The following FGF14 variants were observed in gnomAD, a reference collection of about 807,000 sequenced individuals.
FGF14 encodes fibroblast growth factor 14, also known as fibroblast growth factor homologous factor 4.
FGF14 carries 5 observed loss-of-function variants against 25.5 expected under a neutral mutation model. That is an observed-to-expected ratio of 0.20 (90% CI 0.10 to 0.41). FGF14 has a LOEUF of 0.41. Among genes scored for constraint, FGF14 ranks in the 10% least tolerant of loss-of-function variants. The probability of loss-of-function intolerance (pLI) is 1.00; values close to 1 mark genes in which losing one functional copy is unlikely to be tolerated. For missense variants in FGF14, 222 were observed against 320.1 expected (o/e 0.69, Z 2.34); for synonymous variants, 138 against 118.3 (o/e 1.17, Z -1.08).
chr13:102,164,428 T>C (rs995982698), intron 1 of FGF14, among the ~76,000 whole-genome samples: 2 of 152,150 alleles, frequency 1.3e-5, no homozygotes, highest in Non-Finnish European at 2.9e-5. Context: ...CAGGAAGAGA[T>C]GACATTAAAC....
chr13:102,212,245 G>A (rs982473584), intron 1 of FGF14, among the ~76,000 whole-genome samples: 6 of 152,122 alleles, frequency 3.9e-5, no homozygotes, highest in African/African-American at 1.2e-4. Context: ...AATATGACAT[G>A]TTTTTTTAAA....
chr13:101,873,240 T>C (rs2045211399), intron 2 of FGF14, among the ~76,000 whole-genome samples: 1 of 152,154 alleles, frequency 6.6e-6, no homozygotes, highest in South Asian at 2.1e-4. Flanking sequence ...CAAAATAATA[T>C]TGATTCCTAT....
chr13:102,109,613 T>TTTTG (rs971387509), intron 1 of FGF14, among the ~76,000 whole-genome samples: 6 of 152,148 alleles, frequency 3.9e-5, no homozygotes, highest in Admixed American at 1.3e-4. Context: ...TTGATAAGTT[T>TTTTG]TTTGTTTGTT....
At chr13:101,998,990 G>A (rs567205858) in intron 1 of FGF14, among the ~76,000 whole-genome samples, 2 of 152,116 alleles carry the variant, frequency 1.3e-5, no homozygotes, top group South Asian at 4.1e-4. Context: ...TATTCTAAGA[G>A]GTTCACCTAT....
intron 1 of FGF14, among the ~76,000 whole-genome samples, chr13:102,031,118 A>G (rs2139934549): frequency 6.6e-6 from 1 of 152,202 alleles, no homozygotes; most frequent in African/African-American, 2.4e-5. Context: ...TTTATGAAGT[A>G]TTTTGTGCTT....
rs565608037 is a variant in FGF14 at position 102,145,096 on chromosome 13, T to C, written c.208+256375A>G. ...TGGGTTGCCAACAGTTATTATTTTC[T>C]TTCTTCAATTTTAACAGAACCTCGA... On this transcript the variant is annotated intron_variant, in intron 1 of 4. Coordinates refer to the FGF14 transcript ENST00000376131. 2.6e-4 allele frequency among the ~76,000 whole-genome samples: 40 copies of C among 152,324 alleles called. 1 individual carries two copies. Among genetic ancestry groups the C allele is most frequent in the Admixed American group, 2.4e-3 (36 of 15,294 alleles).
intron 1 of FGF14, among the ~76,000 whole-genome samples, chr13:101,996,932 C>T (rs1283537129): frequency 6.6e-6 from 1 of 152,204 alleles, no homozygotes; most frequent in Non-Finnish European, 1.5e-5. Context: ...CTCTCTGATG[C>T]CTGGCATATT....
At chr13:101,876,075 C>T (rs527950170) in intron 1 of FGF14, among the ~76,000 whole-genome samples, 14 of 152,232 alleles carry the variant, frequency 9.2e-5, no homozygotes, top group Admixed American at 7.2e-4. Context: ...TCTTTGTCAA[C>T]GGGCATTGAG....
chr13:102,026,960 G>A lies in FGF14; in HGVS notation c.209-151664C>T, dbSNP rs74972417. On this transcript the variant is annotated intron_variant, in intron 1 of 4. Coordinates refer to the FGF14 transcript ENST00000376131. ...GATTCTGTTAATAGGTTGACAATTT[G>A]AGCTGTCTTTCTACCCATTGTAGTA... is the stretch of plus-strand genomic sequence containing the variant. Among the ~76,000 whole-genome samples the A allele has an allele frequency of 3.7e-3, 564 of 152,116 alleles. 3 individuals are homozygous for A. The highest frequency in any genetic ancestry group is 6.2e-3 in the Non-Finnish European group (418 of 67,936).
At chr13:101,874,501 G>C (rs748348564) in intron 2 of FGF14, among the ~76,000 whole-genome samples, 33 of 152,074 alleles carry the variant, frequency 2.2e-4, no homozygotes, top group Admixed American at 5.3e-4. Context: ...ACAGAAAATG[G>C]GAGAGCAAAA....
intron 1 of FGF14, among the ~76,000 whole-genome samples, chr13:102,063,516 T>G (rs1312976297): frequency 6.6e-6 from 1 of 151,834 alleles, no homozygotes; most frequent in African/African-American, 2.4e-5. Flanking sequence ...CTTGGGAGGC[T>G]GAGGCATGAG....
intron 1 of FGF14, among the ~76,000 whole-genome samples, chr13:102,040,968 C>G (rs2041704468): frequency 6.6e-6 from 1 of 151,976 alleles, no homozygotes; most frequent in Non-Finnish European, 1.5e-5. Flanking sequence ...ATTGGTGCAC[C>G]TGTTGAGGCA....
intron 3 of FGF14, among the ~76,000 whole-genome samples, chr13:101,834,695 A>T (rs1230112945): frequency 6.6e-6 from 1 of 152,114 alleles, no homozygotes; most frequent in Non-Finnish European, 1.5e-5. Flanking sequence ...ATCCAGAAAA[A>T]AAGGTTGGGA....
chr13:102,099,252 C>T (rs970017701), intron 1 of FGF14, among the ~76,000 whole-genome samples: 1 of 152,156 alleles, frequency 6.6e-6, no homozygotes, highest in Non-Finnish European at 1.5e-5. Flanking sequence ...GCAAGCAATG[C>T]ATATTTTACA....
At chr13:102,089,453 C>A (rs1453559743) in intron 1 of FGF14, among the ~76,000 whole-genome samples, 3 of 152,130 alleles carry the variant, frequency 2.0e-5, no homozygotes, top group Admixed American at 2.0e-4. Context: ...ATAAGAAGCA[C>A]TAATATACCT....
At chr13:102,325,112 A>G (rs1354023953) in intron 1 of FGF14, among the ~76,000 whole-genome samples, 2 of 152,150 alleles carry the variant, frequency 1.3e-5, no homozygotes, top group African/African-American at 4.8e-5. Context: ...GAAATGGAAG[A>G]AACCTGAAAA....
chr13:102,239,567 G>C (rs2051489954), intron 1 of FGF14, among the ~76,000 whole-genome samples: 1 of 152,026 alleles, frequency 6.6e-6, no homozygotes, highest in African/African-American at 2.4e-5. Context: ...GCTAAATGGG[G>C]AACATGCATT....
chr13:102,161,606 A>G (rs1426634901), intron 1 of FGF14, among the ~76,000 whole-genome samples: 272 of 3,106 alleles, frequency 0.088, 3 homozygotes, highest in African/African-American at 0.15. Flanking sequence ...AAGAAGAAGA[A>G]GAAGAAGAAG....
Position 101,722,834 on chromosome 13 carries a change from T to C in FGF14, c.741A>G (p.Thr247=). ...CACAACACCTGTGAGGATCTGGCTA[T>C]GTTGTCTTACTCTTGTTGACTGGTT... ...GGKPVNKSKT[T] The change falls in exon 5 of 5, where the codon ACA becomes ACG. Residue 247 remains threonine, a synonymous_variant. Coordinates refer to ENST00000376143, the MANE Select transcript of FGF14 (RefSeq NM_004115.4). 1.2e-6 allele frequency: 2 copies of C among 1,613,276 alleles called. No individual in the cohort carries two copies. Among genetic ancestry groups the C allele is most frequent in the Non-Finnish European group, 1.7e-6 (2 of 1,179,500 alleles).
Sources: gnomAD v4.1 joint callset for allele counts (sites outside exome capture counted in the v4.1 genomes callset) on GRCh38, gnomAD v4.1.1 for gene constraint, MANE v1.5 for transcripts, NCBI Gene and HGNC (gene_info 2026-07-23, HGNC 2026-07-21) for gene names.